Variants in SEPTIN9 observed in about 807,000 individuals in gnomAD.
The protein encoded by SEPTIN9 is septin 9.
SEPTIN9 carries 13 observed loss-of-function variants against 56.6 expected under a neutral mutation model. The ratio of observed to expected loss-of-function variants is 0.23; its 90% confidence interval spans 0.15 to 0.37. SEPTIN9 has a LOEUF of 0.37. Ranked by LOEUF, SEPTIN9 falls within the 10% of genes least tolerant of loss-of-function variation. The probability of loss-of-function intolerance (pLI) is 1.00; values close to 1 mark genes in which losing one functional copy is unlikely to be tolerated. For missense variants in SEPTIN9, 650 were observed against 823.1 expected (o/e 0.79, Z 2.57); for synonymous variants, 332 against 334.1 (o/e 0.99, Z 0.07).
At chr17:77,384,750 C>T (rs778072214) in intron 2 of SEPTIN9, among the ~76,000 whole-genome samples, 2 of 151,564 alleles carry the variant, frequency 1.3e-5, no homozygotes, top group Non-Finnish European at 1.5e-5. Flanking sequence ...ACAGAGGAAT[C>T]GAGAGAACGG....
intron 2 of SEPTIN9, chr17:77,373,364 G>A (rs2034788938): frequency 8.3e-7 from 1 of 1,205,794 alleles, no homozygotes; most frequent in Non-Finnish European, 1.0e-6. Flanking sequence ...AGGGGGCCTA[G>A]GGGCTCCTCC....
chr17:77,300,091 A>T (rs942670334), intron 1 of SEPTIN9, among the ~76,000 whole-genome samples: 1 of 152,162 alleles, frequency 6.6e-6, no homozygotes. Context: ...ACCTTGACAC[A>T]GGGTGCTGTT....
intron 2 of SEPTIN9, among the ~76,000 whole-genome samples, chr17:77,349,523 G>T (rs1205688210): frequency 6.6e-6 from 1 of 152,184 alleles, no homozygotes; most frequent in Non-Finnish European, 1.5e-5. Context: ...GGCCTCCGTT[G>T]TTTCTGTCAA....
In SEPTIN9 at chr17:77,492,800, C is replaced by T; in HGVS notation, c.1476+84C>T. ...GGTTGGGGGTTTGGAGGACCTTAAG[C>T]CATGAAATTATATTCTTGGGGCCAG... On this transcript the variant is annotated intron_variant, in intron 9 of 11. Transcript: ENST00000427177. The surrounding 1 kb of genome is among the most constrained non-coding windows in gnomAD (Gnocchi z 5.4). 1.5e-6 allele frequency: 2 copies of T among 1,354,282 alleles called. No individual in the cohort carries two copies. Among genetic ancestry groups the T allele is most frequent in the East Asian group, 4.6e-5 (2 of 43,650 alleles). The allele number at this position is 1,354,282 out of a possible 1,614,324, so 83.9% of individuals were successfully genotyped here. A position where few individuals can be genotyped will look rare whatever the true frequency, so the allele number is the denominator to read the frequency against.
chr17:77,334,998 G>A (rs923558398), intron 2 of SEPTIN9, among the ~76,000 whole-genome samples: 3 of 146,168 alleles, frequency 2.1e-5, no homozygotes, highest in East Asian at 2.1e-4. Context: ...TTGACTGTAT[G>A]TGTGGTCCTA....
intron 2 of SEPTIN9, among the ~76,000 whole-genome samples, chr17:77,393,127 G>A (rs972170241): frequency 6.6e-6 from 1 of 152,130 alleles, no homozygotes; most frequent in African/African-American, 2.4e-5. Context: ...GGACACCAGG[G>A]GATGCCTGAG....
Position 77,320,280 on chromosome 17 carries a change from T to C in SEPTIN9, c.76+13083T>C, listed in dbSNP as rs770879389. 3.5e-5 allele frequency: 57 copies of C among 1,611,732 alleles called. 1 individual carries two copies. The highest frequency in any genetic ancestry group is 1.9e-4 in the Middle Eastern group (1 of 5,222). ...GGGGTGAGAAAGGGGAGGCCGCCTC[T>C]GAGCGGGACGCCGGGACTCCCGCCG... On this transcript the variant is annotated intron_variant, in intron 2 of 11. Coordinates refer to ENST00000427177, the MANE Select transcript of SEPTIN9 (RefSeq NM_001113491.2).
Position 77,405,206 on chromosome 17 carries a change from T to TGG in SEPTIN9, c.721+2503_721+2504insGG. 1 of 1,403,472 alleles carries TGG rather than the reference T, an allele frequency of 7.1e-7. No individual in the cohort carries two copies. Among genetic ancestry groups the TGG allele is most frequent in the Non-Finnish European group, 9.7e-7 (1 of 1,032,226 alleles). The allele number at this position is 1,403,472 out of a possible 1,614,324, so 86.9% of individuals were successfully genotyped here. ...CCAGGGGCAGACACAGTTTAGCCCCTAAATTGTGCCAGAGACTGTGCCGGG... is the reference window on the plus strand; with the variant it reads ...CCAGGGGCAGACACAGTTTAGCCCCTGGAAATTGTGCCAGAGACTGTGCCGGG... On this transcript the variant is annotated intron_variant, in intron 3 of 11. Coordinates refer to ENST00000427177, the MANE Select transcript of SEPTIN9 (RefSeq NM_001113491.2). This position sits in a 1 kb window ranked among gnomAD's most constrained non-coding sequence, Gnocchi z 5.8.
rs1263066662 is a variant in SEPTIN9, at chr17:77,498,976, A to G, written c.*318A>G. 1.8e-6 allele frequency: 1 copy of G among 545,648 alleles called. No homozygotes were observed. The highest frequency in any genetic ancestry group is 2.2e-5 in the Admixed American group (1 of 45,286). The allele number at this position is 545,648 out of a possible 1,614,324, so 33.8% of individuals were successfully genotyped here. The stretch of plus-strand genomic sequence containing the variant: ...GAAGAGCAGCTTCGGTGTGCAGATC[A>G]TCCGTCTGTGTGGGGTTCTCAGTGC... On this transcript the variant is annotated 3_prime_UTR_variant, in exon 12 of 12. Coordinates refer to ENST00000427177, the MANE Select transcript of SEPTIN9 (RefSeq NM_001113491.2).
intron 3 of SEPTIN9, among the ~76,000 whole-genome samples, chr17:77,419,213 C>T (rs763066571): frequency 3.3e-5 from 5 of 152,182 alleles, no homozygotes; most frequent in East Asian, 1.9e-4. Context: ...CCTCCCCAGG[C>T]GGGTCACACT....
chr17:77,291,714 G>C (rs574771452), intron 1 of SEPTIN9, among the ~76,000 whole-genome samples: 2 of 152,168 alleles, frequency 1.3e-5, no homozygotes, highest in Non-Finnish European at 2.9e-5. Flanking sequence ...CCAGCCTCAA[G>C]CGATCCTCCT....
At chr17:77,289,407 C>CTTTTT (rs572213399) in intron 1 of SEPTIN9, among the ~76,000 whole-genome samples, 2 of 102,546 alleles carry the variant, frequency 2.0e-5, no homozygotes, top group African/African-American at 3.9e-5. Flanking sequence ...TGCATTTATG[C>CTTTTT]TTTTTTTTTT....
intron 2 of SEPTIN9, among the ~76,000 whole-genome samples, chr17:77,333,328 A>G (rs546600821): frequency 6.6e-6 from 1 of 152,250 alleles, no homozygotes; most frequent in East Asian, 1.9e-4. Context: ...TTTCTTCTGG[A>G]TACTGATCTT....
At chr17:77,419,034 C>G (rs971156514) in intron 3 of SEPTIN9, among the ~76,000 whole-genome samples, 1 of 152,194 alleles carries the variant, frequency 6.6e-6, no homozygotes, top group South Asian at 2.1e-4. Context: ...CTTAGGCACC[C>G]TACAACCTGC....
chr17:77,483,117 A>T (rs535087748), intron 4 of SEPTIN9: 1 of 153,958 alleles, frequency 6.5e-6, no homozygotes, highest in South Asian at 2.0e-4. Context: ...GCCAGGTCAC[A>T]CCCTAAACAA....
At chr17:77,393,174 A>G (rs2035599849) in intron 2 of SEPTIN9, among the ~76,000 whole-genome samples, 1 of 152,162 alleles carries the variant, frequency 6.6e-6, no homozygotes, top group Non-Finnish European at 1.5e-5. Context: ...CAGCCAATAA[A>G]GGGTGCCTCA....
intron 2 of SEPTIN9, among the ~76,000 whole-genome samples, chr17:77,316,895 C>T (rs1261622232): frequency 2.0e-5 from 3 of 152,010 alleles, no homozygotes; most frequent in Non-Finnish European, 4.4e-5. Flanking sequence ...TTTACTTTTT[C>T]TCTTGTTTCT....
At chr17:77,294,885 G>T (rs1037672346) in intron 1 of SEPTIN9, 2 of 152,312 alleles carry the variant, frequency 1.3e-5, no homozygotes, top group African/African-American at 2.4e-5. Flanking sequence ...GATTCTGCGC[G>T]GTAGGTGGAA....
At chr17:77,328,021 C>T (rs905297456) in intron 2 of SEPTIN9, among the ~76,000 whole-genome samples, 2 of 151,958 alleles carry the variant, frequency 1.3e-5, no homozygotes, top group African/African-American at 4.8e-5. Flanking sequence ...CTAGTGTGTC[C>T]CTGTATCCAG....
Sources: allele counts gnomAD v4.1 joint callset (sites outside exome capture counted in the v4.1 genomes callset), GRCh38; gene constraint gnomAD v4.1.1; non-coding constraint Gnocchi (gnomAD v3.1); transcripts MANE v1.5; gene names NCBI Gene and HGNC (gene_info 2026-07-23, HGNC 2026-07-21).